Variants in DNAJC6 observed in about 807,000 individuals in gnomAD.
The protein encoded by DNAJC6 is DnaJ heat shock protein family (Hsp40) member C6, also known as auxilin.
In DNAJC6, 34 loss-of-function variants were observed where a neutral mutation model predicts 110.0. The observed-to-expected ratio is 0.31, with a 90% CI of 0.24 to 0.41. DNAJC6 has a LOEUF of 0.41. Among genes scored for constraint, DNAJC6 ranks in the 10% least tolerant of loss-of-function variants. The pLI is 1.00. For missense variants in DNAJC6, 1,031 were observed against 1,207.8 expected (o/e 0.85, Z 2.17); for synonymous variants, 406 against 437.2 (o/e 0.93, Z 0.89).
chr1:65,326,456 A>G lies in DNAJC6; in HGVS notation c.193+16518A>G, dbSNP rs74080528. On this transcript the variant is annotated intron_variant, in intron 1 of 18. Transcript: ENST00000371069. ...AGTTGGAAAGAGTATTTTCACAGGA[A>G]GAAATAGAATGATAAAGGGATGGAG... Among the ~76,000 whole-genome samples the G allele has an allele frequency of 6.2e-3, 939 of 152,330 alleles. 9 individuals are homozygous for G. Among genetic ancestry groups the G allele is most frequent in the African/African-American group, 0.02 (846 of 41,574 alleles).
At chr1:65,361,098 C>T (rs190835514) in intron 1 of DNAJC6, among the ~76,000 whole-genome samples, 3 of 152,206 alleles carry the variant, frequency 2.0e-5, no homozygotes, top group Non-Finnish European at 4.4e-5. Context: ...GACCCTTCCA[C>T]TCGTTAACTG....
chr1:65,337,025 A>G (rs1645344037), intron 1 of DNAJC6, among the ~76,000 whole-genome samples: 1 of 151,926 alleles, frequency 6.6e-6, no homozygotes, highest in Admixed American at 6.6e-5. Flanking sequence ...TTGTTGGGAA[A>G]AAAAACCAGG....
At chr1:65,335,171 G>A (rs12406548) in intron 1 of DNAJC6, among the ~76,000 whole-genome samples, 90,336 of 150,682 alleles carry the variant, frequency 0.6, 27,217 homozygotes, top group African/African-American at 0.66. Context: ...GCAGTGGCAC[G>A]ATCTTGGCTC....
intron 7 of DNAJC6, 46 bp from the exon 8 acceptor site, chr1:65,386,766 C>T: frequency 6.7e-7 from 1 of 1,489,662 alleles, no homozygotes; most frequent in East Asian, 2.3e-5. Context: ...TGTGATTGTA[C>T]CAGATTGGAC....
intron 1 of DNAJC6, among the ~76,000 whole-genome samples, chr1:65,323,946 T>C (rs1467739188): frequency 6.6e-6 from 1 of 152,144 alleles, no homozygotes; most frequent in Non-Finnish European, 1.5e-5. Flanking sequence ...GAAGAACAAA[T>C]GGAATAAGGA....
At chr1:65,265,725 T>A (rs1047744266) in intron 1 of DNAJC6, among the ~76,000 whole-genome samples, 2 of 152,148 alleles carry the variant, frequency 1.3e-5, no homozygotes, top group African/African-American at 2.4e-5. Context: ...GACCCCTAGG[T>A]CTCCGGAGGC....
intron 1 of DNAJC6, among the ~76,000 whole-genome samples, chr1:65,293,206 C>T (rs1338068329): frequency 2.0e-5 from 3 of 152,188 alleles, no homozygotes; most frequent in Non-Finnish European, 4.4e-5. Context: ...AAGGTGCTGG[C>T]AGATTCAGTT....
chr1:65,388,548 A>G (rs1645893950), intron 9 of DNAJC6, 133 bp downstream of exon 9: 1 of 784,944 alleles, frequency 1.3e-6, no homozygotes, highest in Non-Finnish European at 2.2e-6. Flanking sequence ...AGTAGCACAG[A>G]GAGGCTGTGG....
chr1:65,353,579 C>T (rs1645512103), intron 1 of DNAJC6, among the ~76,000 whole-genome samples: 1 of 152,102 alleles, frequency 6.6e-6, no homozygotes, highest in South Asian at 2.1e-4. Context: ...GAACACTGTG[C>T]CCTATCTTTA....
chr1:65,284,589 T>C (rs1376201741), intron 1 of DNAJC6, among the ~76,000 whole-genome samples: 1 of 152,160 alleles, frequency 6.6e-6, no homozygotes, highest in African/African-American at 2.4e-5. Context: ...CAGAGACGGC[T>C]GCCTCAGGGA....
intron 7 of DNAJC6, 64 bp downstream of exon 7, chr1:65,385,970 G>T (rs995648709): frequency 1.8e-5 from 25 of 1,394,476 alleles, no homozygotes; most frequent in Non-Finnish European, 2.2e-5. Flanking sequence ...GAGCAGGAAT[G>T]AGTTGAATCA....
intron 1 of DNAJC6, among the ~76,000 whole-genome samples, chr1:65,271,907 ATATGTTGACCT>A (rs1653519398): frequency 6.6e-6 from 1 of 151,772 alleles, no homozygotes; most frequent in Admixed American, 6.6e-5. Context: ...AATTGATTTT[ATATGTTGACCT>A]TATTTCAGTG....
intron 1 of DNAJC6, among the ~76,000 whole-genome samples, chr1:65,344,663 A>G (rs1645420705): frequency 6.6e-6 from 1 of 152,204 alleles, no homozygotes; most frequent in African/African-American, 2.4e-5. Flanking sequence ...GCCAAGATTG[A>G]GGTCATAGCA....
intron 15 of DNAJC6, among the ~76,000 whole-genome samples, chr1:65,403,452 T>C (rs1646047482): frequency 6.6e-6 from 1 of 152,230 alleles, no homozygotes; most frequent in Non-Finnish European, 1.5e-5. Context: ...ATTAATTCCC[T>C]CATTTCACAG....
rs993910563 is a variant in DNAJC6 at position 65,408,787 on chromosome 1, A to G, written c.2634+4A>G. ...AATGGATCCTGAGAAATTAAAGGTGAGTGAGGCCCCTGACGCAGCTTGATT... is the reference window on the plus strand; with the variant it reads ...AATGGATCCTGAGAAATTAAAGGTGGGTGAGGCCCCTGACGCAGCTTGATT... On this transcript the variant is annotated splice_donor_region_variant and intron_variant, in intron 17 of 18. Coordinates refer to ENST00000371069, the MANE Select transcript of DNAJC6 (RefSeq NM_001256864.2). The G allele has an allele frequency of 5.0e-6, 8 of 1,612,202 alleles. No individual in the cohort carries two copies. In the African/African-American group the frequency reaches 1.1e-4, roughly 22 times the overall value.
intron 1 of DNAJC6, among the ~76,000 whole-genome samples, chr1:65,349,253 C>A (rs957831577): frequency 6.6e-6 from 1 of 151,304 alleles, no homozygotes; most frequent in Non-Finnish European, 1.5e-5. Context: ...ATTTCACTTA[C>A]CTTCCACCCA....
chr1:65,286,614 G>A (rs1654027767), intron 1 of DNAJC6, among the ~76,000 whole-genome samples: 1 of 152,188 alleles, frequency 6.6e-6, no homozygotes. Flanking sequence ...AAAAGCCCAT[G>A]TGCAGAAGAC....
At chr1:65,298,304 AGGGTGGGTGAAGGT>A (rs1644946167) in intron 1 of DNAJC6, among the ~76,000 whole-genome samples, 1 of 152,126 alleles carries the variant, frequency 6.6e-6, no homozygotes, top group African/African-American at 2.4e-5. Flanking sequence ...TTGTGGGTCT[AGGGTGGGTGAAGGT>A]GGGAGGTGAG....
At chr1:65,281,018 C>T (rs531945796) in intron 1 of DNAJC6, among the ~76,000 whole-genome samples, 9 of 152,232 alleles carry the variant, frequency 5.9e-5, no homozygotes, top group African/African-American at 1.7e-4. Flanking sequence ...TCACTGCAAC[C>T]TCTGCCTCCT....
Sources: gnomAD v4.1 joint callset for allele counts (sites outside exome capture counted in the v4.1 genomes callset) on GRCh38, gnomAD v4.1.1 for gene constraint, MANE v1.5 for transcripts, NCBI Gene and HGNC (gene_info 2026-07-23, HGNC 2026-07-21) for gene names.